CASP8: variants seen among roughly 807,000 people sequenced by gnomAD.
The protein encoded by CASP8 is caspase-8.
In CASP8, 24 loss-of-function variants were observed where a neutral mutation model predicts 46.3. The ratio of observed to expected loss-of-function variants is 0.52; its 90% CI spans 0.38 to 0.73. The LOEUF (loss-of-function observed/expected upper bound fraction) is 0.73, where lower values mean the gene tolerates loss of function less well. Ranked by LOEUF, CASP8 falls within the 30% of genes least tolerant of loss-of-function variation. The pLI, the probability that CASP8 is intolerant of heterozygous loss-of-function variation, is 0.00. For missense variants in CASP8, 460 were observed against 559.0 expected, an observed-to-expected ratio of 0.82 and a Z score of 1.79; for synonymous variants, 188 against 200.4, an observed-to-expected ratio of 0.94 and a Z score of 0.52.
intron 5 of CASP8, among the ~76,000 whole-genome samples, chr2:201,273,645 C>T (rs778706169): frequency 1.3e-5 from 2 of 152,040 alleles, no homozygotes; most frequent in Non-Finnish European, 2.9e-5. Context: ...GAGCTCTCAA[C>T]GATCTCCTTC....
In CASP8 at chr2:201,272,533, A is replaced by C. The variant is rs997543591; in HGVS notation, c.412-105A>C. ...GAAACTGTCAGAAACTTGGGAAGCAAGGGCAGGTCCTTGGTTGGAGAAATT... is the reference window on the plus strand; with the variant it reads ...GAAACTGTCAGAAACTTGGGAAGCACGGGCAGGTCCTTGGTTGGAGAAATT... On this transcript the variant is annotated intron_variant, in intron 3 of 8. Coordinates refer to ENST00000673742, the MANE Select transcript of CASP8 (RefSeq NM_001372051.1). The surrounding 1 kb of genome is among the most constrained non-coding windows in gnomAD (Gnocchi z 4.4). The C allele has an allele frequency of 1.6e-6, 2 of 1,284,116 alleles. No individual in the cohort carries two copies. Among genetic ancestry groups the C allele is most frequent in the Non-Finnish European group, 2.2e-6 (2 of 898,550 alleles). The allele number at this position is 1,284,116 out of a possible 1,614,324, so 79.5% of individuals were successfully genotyped here. A position where few individuals can be genotyped will look rare whatever the true frequency, so the allele number is the denominator to read the frequency against.
chr2:201,280,016 A>C (rs959649695), intron 7 of CASP8, among the ~76,000 whole-genome samples: 4 of 152,180 alleles, frequency 2.6e-5, no homozygotes, highest in Non-Finnish European at 5.9e-5. Flanking sequence ...AACATGAAAC[A>C]GAATATGAAT....
intron 2 of CASP8, among the ~76,000 whole-genome samples, chr2:201,248,253 G>A (rs1248693344): frequency 1.3e-5 from 2 of 152,254 alleles, no homozygotes; most frequent in South Asian, 2.1e-4. Context: ...GAGGAACCAC[G>A]ACCTGTGGGT....
intron 2 of CASP8, among the ~76,000 whole-genome samples, chr2:201,253,177 G>A (rs1463735358): frequency 1.3e-5 from 2 of 151,120 alleles, no homozygotes; most frequent in African/African-American, 4.9e-5. Context: ...TTTGATTTTT[G>A]GTAAAGACAG....
upstream of CASP8, chr2:201,257,838 A>C: frequency 3.4e-6 from 1 of 296,042 alleles, no homozygotes; most frequent in Non-Finnish European, 6.6e-6. Context: ...ACCCTTTGCA[A>C]GAAAGAATGG....
At chr2:201,256,885 C>T (rs1315778957), upstream of CASP8, among the ~76,000 whole-genome samples, 1 of 152,248 alleles carries the variant, frequency 6.6e-6, no homozygotes, top group Non-Finnish European at 1.5e-5. Flanking sequence ...CTGCCTCATG[C>T]CTGTAATCCC....
intron 1 of CASP8, among the ~76,000 whole-genome samples, chr2:201,262,532 A>G (rs551576755): frequency 1.3e-5 from 2 of 152,244 alleles, no homozygotes; most frequent in East Asian, 3.9e-4. Context: ...CATATGTTAT[A>G]TATACATGTG....
At chr2:201,248,205 C>G (rs1488862355) in intron 2 of CASP8, among the ~76,000 whole-genome samples, 5 of 152,098 alleles carry the variant, frequency 3.3e-5, no homozygotes. Flanking sequence ...AGAAAAATAT[C>G]CAGAACAATA....
chr2:201,261,443 A>T (rs1947400436), intron 1 of CASP8, among the ~76,000 whole-genome samples: 1 of 152,182 alleles, frequency 6.6e-6, no homozygotes, highest in Non-Finnish European at 1.5e-5. Flanking sequence ...TCAAAAAACA[A>T]TATAATGGGA....
chr2:201,261,763 A>C (rs563426026), intron 1 of CASP8, among the ~76,000 whole-genome samples: 1 of 152,290 alleles, frequency 6.6e-6, no homozygotes, highest in African/African-American at 2.4e-5. Context: ...AGGTTCTCTC[A>C]AGCTTCGGAT....
At chr2:201,283,190 T>C (rs1949244508) in intron 7 of CASP8, among the ~76,000 whole-genome samples, 1 of 69,938 alleles carries the variant, frequency 1.4e-5, no homozygotes, top group Admixed American at 1.2e-4. Flanking sequence ...GCCCCTCACC[T>C]CCTGGACGGG....
At chr2:201,233,857 T>C (rs1033318104) in intron 1 of CASP8, among the ~76,000 whole-genome samples, 3 of 152,204 alleles carry the variant, frequency 2.0e-5, no homozygotes, top group African/African-American at 7.2e-5. Flanking sequence ...TATTTTACCT[T>C]AGCTGGCTGC....
intron 1 of CASP8, among the ~76,000 whole-genome samples, chr2:201,264,074 T>C (rs1280808876): frequency 1.3e-5 from 2 of 152,256 alleles, no homozygotes; most frequent in African/African-American, 4.8e-5. Flanking sequence ...ACACAAAATA[T>C]GTACTGATCA....
At chr2:201,277,180 G>A (rs1415493373) in intron 7 of CASP8, 4 of 405,070 alleles carry the variant, frequency 9.9e-6, no homozygotes, top group Non-Finnish European at 4.4e-6. Flanking sequence ...AGTAATGTAT[G>A]TATAAATATA....
intron 2 of CASP8, among the ~76,000 whole-genome samples, chr2:201,269,900 A>G (rs2125210429): frequency 6.6e-6 from 1 of 152,332 alleles, no homozygotes; most frequent in East Asian, 1.9e-4. Flanking sequence ...CTTGTAATAA[A>G]GGTGAAAGAG....
chr2:201,274,770 C>A, intron 5 of CASP8, 119 bp from the exon 6 acceptor site: 1 of 831,708 alleles, frequency 1.2e-6, no homozygotes, highest in Non-Finnish European at 2.0e-6. Context: ...AGCCCCTGTT[C>A]CCAGCTTGAA....
intron 2 of CASP8, among the ~76,000 whole-genome samples, chr2:201,240,042 C>T (rs1946237749): frequency 6.6e-6 from 1 of 152,074 alleles, no homozygotes; most frequent in Non-Finnish European, 1.5e-5. Flanking sequence ...TTGAAGCACC[C>T]ATGTTACTCA....
rs377241665 is a variant in CASP8, at chr2:201,238,462, G to GAT, written c.-27+4351_-27+4352dup. ...TTTTTCTTTCTTTTTTTTTTCTTGA[G>GAT]ATGGAGTCTTACTCTGTCACTCAGG... is the stretch of plus-strand genomic sequence containing the variant. On this transcript the variant is annotated intron_variant, in intron 2 of 6. Coordinates refer to the CASP8 transcript ENST00000264274. Among the ~76,000 whole-genome samples the GAT allele has an allele frequency of 1.1e-4, 17 of 149,490 alleles. 1 individual carries two copies. The highest frequency in any genetic ancestry group is 4.2e-4 in the African/African-American group (17 of 40,626).
At chr2:201,243,166 C>T (rs1946374222) in intron 2 of CASP8, among the ~76,000 whole-genome samples, 1 of 152,008 alleles carries the variant, frequency 6.6e-6, no homozygotes, top group African/African-American at 2.4e-5. Flanking sequence ...AACATTGTAC[C>T]TATAGTCAAC....
Sources: gnomAD v4.1 joint callset for allele counts (sites outside exome capture counted in the v4.1 genomes callset) on GRCh38, gnomAD v4.1.1 for gene constraint, Gnocchi (gnomAD v3.1) non-coding constraint, MANE v1.5 for transcripts, NCBI Gene and HGNC (gene_info 2026-07-23, HGNC 2026-07-21) for gene names.